ZP3: variants seen among roughly 807,000 people sequenced by gnomAD.
ZP3 encodes zona pellucida glycoprotein 3, also known as zona pellucida sperm-binding protein 3.
In ZP3, 21 loss-of-function variants were observed where a neutral mutation model predicts 35.6. That is an observed-to-expected ratio of 0.59 (90% CI 0.42 to 0.85). The LOEUF is 0.85. ZP3 is among the 40% of genes least tolerant of loss of function. The pLI is 0.00. For missense variants in ZP3, 437 were observed against 536.5 expected, an observed-to-expected ratio of 0.81 and a Z score of 1.83; for synonymous variants, 207 against 214.5, an observed-to-expected ratio of 0.96 and a Z score of 0.31.
upstream of ZP3, among the ~76,000 whole-genome samples, chr7:76,424,557 T>C (rs930154993): frequency 2.6e-5 from 4 of 152,140 alleles, no homozygotes; most frequent in African/African-American, 4.8e-5. Flanking sequence ...CACTTGAACC[T>C]GGCTGAGAAG....
At chr7:76,427,164 A>G (rs1805690435) in intron 1 of ZP3, among the ~76,000 whole-genome samples, 2 of 152,088 alleles carry the variant, frequency 1.3e-5, no homozygotes, top group Admixed American at 1.3e-4. Flanking sequence ...TCCAATGAGG[A>G]GCAAAGCCTG....
chr7:76,406,986 A>G (rs1160485922), intron 1 of ZP3, among the ~76,000 whole-genome samples: 1 of 150,782 alleles, frequency 6.6e-6, no homozygotes, highest in Non-Finnish European at 1.5e-5. Context: ...TTGGAGACAG[A>G]GCCTCCCTCT....
chr7:76,435,262 C>T (rs1381408077), intron 5 of ZP3, among the ~76,000 whole-genome samples: 1 of 152,284 alleles, frequency 6.6e-6, no homozygotes, highest in Non-Finnish European at 1.5e-5. Context: ...AAGTGATTCT[C>T]CTGCCTCAGT....
chr7:76,422,633 C>T (rs1287042402), upstream of ZP3, among the ~76,000 whole-genome samples: 3 of 144,182 alleles, frequency 2.1e-5, no homozygotes, highest in African/African-American at 7.8e-5. Context: ...GAGCTGAGAT[C>T]GCGCCACTGC....
At chr7:76,402,425 G>A (rs35001140) in intron 1 of ZP3, among the ~76,000 whole-genome samples, 4,959 of 151,840 alleles carry the variant, frequency 0.033, 111 homozygotes, top group Middle Eastern at 0.085. Flanking sequence ...CAAGTGATCC[G>A]CCTGCCTCAG....
At chr7:76,415,386 G>T (rs957269774) in intron 1 of ZP3, among the ~76,000 whole-genome samples, 3 of 115,024 alleles carry the variant, frequency 2.6e-5, no homozygotes, top group Non-Finnish European at 5.2e-5. Flanking sequence ...AAAAGGTCTG[G>T]AATGATTCAG....
chr7:76,441,498 C>T (rs1806198419), intron 7 of ZP3, among the ~76,000 whole-genome samples: 1 of 151,942 alleles, frequency 6.6e-6, no homozygotes, highest in Non-Finnish European at 1.5e-5. Context: ...AAGCTATTCT[C>T]CTGCCTCAGC....
intron 1 of ZP3, among the ~76,000 whole-genome samples, chr7:76,401,480 G>A (rs192607369): frequency 1.3e-5 from 2 of 152,080 alleles, no homozygotes; most frequent in Non-Finnish European, 2.9e-5. Context: ...GCAATGGCAC[G>A]ATCTCAGCTC....
chr7:76,425,159 C>T lies in ZP3; in HGVS notation c.195C>T (p.Leu65=), dbSNP rs568030181. 3.7e-6 allele frequency: 6 copies of T among 1,614,044 alleles called. No homozygotes were observed. In the East Asian group the frequency reaches 1.3e-4, roughly 36 times the overall value. Residue 65 remains leucine, a synonymous_variant, in exon 1 of 8, where the codon CTC becomes CTT. Transcript: ENST00000394857. Reference sequence around the variant, plus strand: ...AAGACCTTTTTGGCACCGGGAAGCTCATCAGGGCTGCTGACCTCACCTTGG... The same window carrying T: ...AAGACCTTTTTGGCACCGGGAAGCTTATCAGGGCTGCTGACCTCACCTTGG... ...VSKDLFGTGK[L]IRAADLTLGP... is the part of the protein sequence containing the mutation.
At chr7:76,409,328 C>G (rs79647182) in intron 1 of ZP3, 2 of 22,718 alleles carry the variant, frequency 8.8e-5, no homozygotes, top group Non-Finnish European at 8.9e-5. Context: ...CTGTCTCACA[C>G]ACACACACAC....
chr7:76,398,142 TCTC>T (rs373081393), intron 1 of ZP3, among the ~76,000 whole-genome samples: 178 of 152,156 alleles, frequency 1.2e-3, no homozygotes, highest in African/African-American at 3.6e-3. Flanking sequence ...CCTTCCCTGA[TCTC>T]CTGAGGAACG....
intron 1 of ZP3, among the ~76,000 whole-genome samples, chr7:76,412,061 T>G (rs1026105777): frequency 2.6e-5 from 4 of 151,240 alleles, no homozygotes; most frequent in African/African-American, 9.7e-5. Flanking sequence ...GCATGGTGAT[T>G]CTTGTGGACC....
At chr7:76,424,103 G>A (rs959142902), upstream of ZP3, among the ~76,000 whole-genome samples, 1 of 152,042 alleles carries the variant, frequency 6.6e-6, no homozygotes, top group Non-Finnish European at 1.5e-5. Context: ...CTCACACTTG[G>A]AATGAGCTCC....
rs2462296 is a variant in ZP3, at chr7:76,435,250, G to A, written c.831+1095G>A. Among the ~76,000 whole-genome samples the A allele has an allele frequency of 2.5e-4, 38 of 152,156 alleles. 2 individuals carry two copies. The East Asian group carries it at 7.4e-3, about 30-fold the overall frequency. The stretch of plus-strand genomic sequence containing the variant: ...TCCCAGCCACTCCAGGTTCCCAGGT[G>A]CAAGTGATTCTCCTGCCTCAGTCTC... On this transcript the variant is annotated intron_variant, in intron 5 of 7. Transcript: ENST00000394857.
intron 1 of ZP3, among the ~76,000 whole-genome samples, chr7:76,411,141 T>C (rs569192927): frequency 5.3e-5 from 8 of 151,700 alleles, no homozygotes; most frequent in Non-Finnish European, 1.2e-4. Flanking sequence ...TTCCCTGAAG[T>C]CCAGATTCCA....
At position 76,433,563 on chromosome 7, in the gene ZP3, T is replaced by C. The variant is rs764688890; in HGVS notation, c.629T>C (p.Leu210Pro). The stretch of plus-strand genomic sequence containing the variant: ...ATCCACACTGGCAGCCACGTGCCAC[T>C]GCGGTTGTTTGTGGACCACTGCGTG... ...AEIHTGSHVP[L>P]RLFVDHCVAT... is the part of the protein sequence containing the mutation. Residue 210 changes from leucine (L) to proline (P), a missense_variant, in exon 4 of 8, where the codon CTG (leucine) becomes CCG (proline). Leu to Pro is a moderately conservative substitution (Grantham distance 98). Coordinates refer to ENST00000394857, the MANE Select transcript of ZP3 (RefSeq NM_001110354.2). 6.2e-7 allele frequency: 1 copy of C among 1,614,194 alleles called. No individual in the cohort carries two copies. The highest frequency in any genetic ancestry group is 8.5e-7 in the Non-Finnish European group (1 of 1,180,034).
intron 1 of ZP3, among the ~76,000 whole-genome samples, chr7:76,404,829 G>A (rs1020652622): frequency 6.6e-6 from 1 of 151,898 alleles, no homozygotes; most frequent in African/African-American, 2.4e-5. Context: ...CAGCACTTTG[G>A]GAGCCTGAGG....
intron 2 of ZP3, among the ~76,000 whole-genome samples, chr7:76,431,948 T>C (rs1285672601): frequency 6.6e-6 from 1 of 151,634 alleles, no homozygotes; most frequent in Non-Finnish European, 1.5e-5. Context: ...TCAAGCATCC[T>C]GTGGAGTACT....
chr7:76,401,292 C>T (rs1804821161), intron 1 of ZP3, among the ~76,000 whole-genome samples: 1 of 152,168 alleles, frequency 6.6e-6, no homozygotes, highest in African/African-American at 2.4e-5. Flanking sequence ...TGTAGATCTG[C>T]ACATCTCAAA....
Sources: allele counts gnomAD v4.1 joint callset (sites outside exome capture counted in the v4.1 genomes callset), GRCh38; gene constraint gnomAD v4.1.1; transcripts MANE v1.5; gene names NCBI Gene and HGNC (gene_info 2026-07-23, HGNC 2026-07-21).